Variants in COL8A1 observed in about 807,000 individuals in gnomAD.
COL8A1 encodes the protein collagen alpha-1(VIII) chain.
In COL8A1, 21 loss-of-function variants were observed where a neutral mutation model predicts 42.7. The observed-to-expected ratio is 0.49, with a 90% CI of 0.35 to 0.71. The LOEUF is 0.71. COL8A1 is among the 30% of genes least tolerant of loss of function. The pLI, the probability that COL8A1 is intolerant of heterozygous loss-of-function variation, is 0.01. For synonymous variants in COL8A1, 367 were observed against 369.1 expected (o/e 0.99, Z 0.06); for missense variants, 788 against 962.4 (o/e 0.82, Z 2.40).
chr3:99,778,072 C>A (rs1377192712), intron 2 of COL8A1, among the ~76,000 whole-genome samples: 1 of 152,138 alleles, frequency 6.6e-6, no homozygotes, highest in Non-Finnish European at 1.5e-5. Context: ...AATTGTGGAA[C>A]TTTGCAAAGT....
intron 1 of COL8A1, among the ~76,000 whole-genome samples, chr3:99,733,098 G>A (rs1000983203): frequency 1.3e-5 from 2 of 149,860 alleles, no homozygotes; most frequent in East Asian, 3.9e-4. Context: ...GCAGGGTACA[G>A]CCTCTCTCCC....
chr3:99,653,376 T>G (rs1937912509), intron 1 of COL8A1, among the ~76,000 whole-genome samples: 1 of 152,130 alleles, frequency 6.6e-6, no homozygotes, highest in Admixed American at 6.5e-5. Flanking sequence ...TTTTGGTCTT[T>G]TTTTTGGTTT....
chr3:99,781,811 C>T (rs1941798732), intron 2 of COL8A1, among the ~76,000 whole-genome samples: 2 of 152,190 alleles, frequency 1.3e-5, no homozygotes, highest in Admixed American at 1.3e-4. Flanking sequence ...ATGGCAAGGA[C>T]CTTATTCTTG....
chr3:99,776,302 GA>G (rs1233832988), intron 2 of COL8A1, among the ~76,000 whole-genome samples: 2 of 152,204 alleles, frequency 1.3e-5, no homozygotes, highest in Non-Finnish European at 2.9e-5. Context: ...GTCTGATAAG[GA>G]AAGGAAGCAG....
intron 1 of COL8A1, among the ~76,000 whole-genome samples, chr3:99,653,534 T>C (rs1009798984): frequency 6.6e-6 from 1 of 152,006 alleles, no homozygotes; most frequent in Non-Finnish European, 1.5e-5. Context: ...TCTCTCTCCC[T>C]TCACCATGTC....
At chr3:99,737,133 C>A (rs1361722514) in intron 1 of COL8A1, among the ~76,000 whole-genome samples, 1 of 152,108 alleles carries the variant, frequency 6.6e-6, no homozygotes. Flanking sequence ...TGTCTCTGCA[C>A]GTGAGATGGG....
chr3:99,676,228 G>A (rs139066352), intron 1 of COL8A1, among the ~76,000 whole-genome samples: 2 of 152,078 alleles, frequency 1.3e-5, no homozygotes, highest in East Asian at 1.9e-4. Context: ...AGGTAGCTTC[G>A]CCAGTGAATT....
intron 2 of COL8A1, among the ~76,000 whole-genome samples, chr3:99,763,501 G>A (rs879790324): frequency 3.3e-5 from 5 of 151,902 alleles, no homozygotes; most frequent in South Asian, 2.1e-4. Flanking sequence ...ACTTCATGCC[G>A]GACATCATTC....
At chr3:99,679,223 A>C (rs1378311826) in intron 1 of COL8A1, 3 of 152,260 alleles carry the variant, frequency 2.0e-5, no homozygotes, top group Admixed American at 1.3e-4. Context: ...TAGGAAGACC[A>C]GTTTAAGAAT....
chr3:99,661,610 A>G (rs549982479), intron 1 of COL8A1, among the ~76,000 whole-genome samples: 4 of 152,318 alleles, frequency 2.6e-5, no homozygotes, highest in South Asian at 4.1e-4. Flanking sequence ...CAGCAATTTC[A>G]TTTCTGGTTA....
chr3:99,750,049 C>T (rs372023730), intron 2 of COL8A1, among the ~76,000 whole-genome samples: 66 of 65,970 alleles, frequency 1.0e-3, no homozygotes, highest in South Asian at 1.4e-3. Context: ...TTTTTTTCTT[C>T]TTTTTTTTTT....
intron 1 of COL8A1, among the ~76,000 whole-genome samples, chr3:99,728,232 T>A (rs1940396137): frequency 6.6e-6 from 1 of 152,034 alleles, no homozygotes; most frequent in African/African-American, 2.4e-5. Flanking sequence ...TGATTGTATA[T>A]CTAGAAAACC....
At chr3:99,702,091 C>T (rs1939556866) in intron 1 of COL8A1, among the ~76,000 whole-genome samples, 1 of 152,140 alleles carries the variant, frequency 6.6e-6, no homozygotes, top group Admixed American at 6.5e-5. Context: ...AACTGTCTCC[C>T]AGCCCTACCA....
Position 99,794,413 on chromosome 3 carries a change from C to T in COL8A1, c.512C>T (p.Ala171Val), listed in dbSNP as rs1158505631. Residue 171 changes from alanine (A) to valine (V), a missense_variant, in exon 4 of 4, where the codon GCC becomes GTC. By Grantham distance (64) the Ala-to-Val change is moderately conservative. Coordinates refer to ENST00000652472, the MANE Select transcript of COL8A1 (RefSeq NM_020351.4). This position sits in a 1 kb window ranked among gnomAD's most constrained non-coding sequence, Gnocchi z 4.3. ...GMPGMPGKPGAMGMPGAKGEI... is the reference protein window; with the variant it reads ...GMPGMPGKPGVMGMPGAKGEI... ...CCTGGAATGCCAGGGAAGCCAGGAG[C>T]CATGGGCATGCCTGGGGCAAAAGGA... is the stretch of plus-strand genomic sequence containing the variant. 6.2e-6 allele frequency: 10 copies of T among 1,613,926 alleles called. No individual in the cohort carries two copies. The highest frequency in any genetic ancestry group is 7.6e-6 in the Non-Finnish European group (9 of 1,179,934).
At chr3:99,661,473 T>C (rs1239953792) in intron 1 of COL8A1, among the ~76,000 whole-genome samples, 1 of 152,114 alleles carries the variant, frequency 6.6e-6, no homozygotes, top group Admixed American at 6.5e-5. Context: ...AAAATGACAA[T>C]TTTTAGTGAG....
At chr3:99,709,114 C>T (rs533732896) in intron 1 of COL8A1, among the ~76,000 whole-genome samples, 1 of 148,302 alleles carries the variant, frequency 6.7e-6, no homozygotes, top group South Asian at 2.2e-4. Context: ...ACATCTTGTC[C>T]TCCAACCACC....
At chr3:99,782,611 C>T (rs773700193) in intron 2 of COL8A1, among the ~76,000 whole-genome samples, 8 of 152,050 alleles carry the variant, frequency 5.3e-5, no homozygotes, top group Non-Finnish European at 1.2e-4. Context: ...TGGCTGGTCT[C>T]GAACACCTGA....
chr3:99,728,020 C>T (rs1206051695), intron 1 of COL8A1, among the ~76,000 whole-genome samples: 1 of 149,892 alleles, frequency 6.7e-6, no homozygotes, highest in South Asian at 2.1e-4. Context: ...CTATGACAAA[C>T]CCACAGCCAA....
At chr3:99,662,282 G>A (rs527314448) in intron 1 of COL8A1, among the ~76,000 whole-genome samples, 167 of 151,916 alleles carry the variant, frequency 1.1e-3, no homozygotes, top group African/African-American at 3.9e-3. Context: ...CTGGGGAGGC[G>A]GAGGCAGGAG....
Sources: gnomAD v4.1 joint callset for allele counts (sites outside exome capture counted in the v4.1 genomes callset) on GRCh38, gnomAD v4.1.1 for gene constraint, Gnocchi (gnomAD v3.1) non-coding constraint, MANE v1.5 for transcripts, NCBI Gene and HGNC (gene_info 2026-07-23, HGNC 2026-07-21) for gene names.